Variants in KCNMA1 observed in about 807,000 individuals in gnomAD.
KCNMA1 encodes the protein Calcium-activated potassium channel subunit alpha-1.
A neutral mutation model predicts 140.0 loss-of-function variants in KCNMA1; 29 were observed. That is an observed-to-expected ratio of 0.21 (90% CI 0.15 to 0.28). KCNMA1 has a LOEUF of 0.28. Among genes scored for constraint, KCNMA1 ranks in the 10% least tolerant of loss-of-function variants. KCNMA1 has a pLI of 1.00. For missense variants in KCNMA1, 880 were observed against 1,602.2 expected (o/e 0.55, Z 7.70); for synonymous variants, 612 against 611.9 (o/e 1.00, Z 0.00).
chr10:77,135,112 A>C (rs1174807435), intron 5 of KCNMA1, among the ~76,000 whole-genome samples: 1 of 151,490 alleles, frequency 6.6e-6, no homozygotes, highest in Non-Finnish European at 1.5e-5. Flanking sequence ...TAAGGGCTTA[A>C]TATTCAAAAT....
At chr10:77,445,775 A>T (rs899217478) in intron 1 of KCNMA1, among the ~76,000 whole-genome samples, 1 of 152,164 alleles carries the variant, frequency 6.6e-6, no homozygotes, top group South Asian at 2.1e-4. Context: ...CATCACAGTC[A>T]TCGGTCAAGC....
chr10:77,423,163 G>A (rs114212948), intron 1 of KCNMA1, among the ~76,000 whole-genome samples: 3,029 of 152,250 alleles, frequency 0.02, 106 homozygotes, highest in African/African-American at 0.07. Flanking sequence ...TGTTTTGTTG[G>A]ATCCATGCCT....
intron 2 of KCNMA1, among the ~76,000 whole-genome samples, chr10:77,308,578 A>G (rs542967114): frequency 3.9e-5 from 6 of 152,346 alleles, no homozygotes; most frequent in African/African-American, 1.2e-4. Context: ...GATAACAGCA[A>G]AGTCGACAAT....
chr10:77,493,462 C>T (rs2040676588), intron 1 of KCNMA1, among the ~76,000 whole-genome samples: 1 of 152,208 alleles, frequency 6.6e-6, no homozygotes, highest in African/African-American at 2.4e-5. Flanking sequence ...AACTGTGAGG[C>T]GTCAAGCGTG....
intron 23 of KCNMA1, among the ~76,000 whole-genome samples, chr10:76,924,550 G>C (rs149372516): frequency 6.6e-6 from 1 of 152,224 alleles, no homozygotes; most frequent in East Asian, 1.9e-4. Flanking sequence ...GAAACCTCAT[G>C]TGATCTCTAT....
chr10:77,276,044 A>T (rs2066585947), intron 2 of KCNMA1, among the ~76,000 whole-genome samples: 1 of 152,138 alleles, frequency 6.6e-6, no homozygotes, highest in African/African-American at 2.4e-5. Flanking sequence ...ACCTCTCCAC[A>T]TTCACAGGGC....
At chr10:77,190,795 C>A (rs2098932535) in intron 3 of KCNMA1, among the ~76,000 whole-genome samples, 1 of 152,082 alleles carries the variant, frequency 6.6e-6, no homozygotes, top group Non-Finnish European at 1.5e-5. Context: ...AGACTGATCC[C>A]ATCGGCTGAG....
chr10:77,272,077 C>T (rs570652558), intron 2 of KCNMA1, among the ~76,000 whole-genome samples: 19 of 152,296 alleles, frequency 1.2e-4, no homozygotes, highest in African/African-American at 4.1e-4. Context: ...GTGCACACAG[C>T]ACTGGCCTGT....
intron 1 of KCNMA1, among the ~76,000 whole-genome samples, chr10:77,430,117 A>G (rs1326297899): frequency 3.3e-5 from 5 of 152,200 alleles, no homozygotes; most frequent in Non-Finnish European, 4.4e-5. Flanking sequence ...GTCATGCAAA[A>G]GCTGCTTTCT....
chr10:77,349,450 C>T (rs2092605409), intron 2 of KCNMA1, among the ~76,000 whole-genome samples: 1 of 152,178 alleles, frequency 6.6e-6, no homozygotes, highest in Non-Finnish European at 1.5e-5. Context: ...TTCCTCCATC[C>T]TCCCATCGAC....
At chr10:77,261,859 G>A (rs189505815) in intron 2 of KCNMA1, among the ~76,000 whole-genome samples, 26 of 152,214 alleles carry the variant, frequency 1.7e-4, no homozygotes, top group African/African-American at 5.3e-4. Context: ...CTGGTGGAGC[G>A]CTCAAGTTTG....
intron 1 of KCNMA1, among the ~76,000 whole-genome samples, chr10:77,628,407 G>C (rs1346589472): frequency 2.6e-5 from 4 of 152,168 alleles, no homozygotes; most frequent in African/African-American, 9.7e-5. Flanking sequence ...TGTAATCCCA[G>C]CACTTTGGGA....
chr10:77,503,929 T>TCAGG (rs1167146879), intron 1 of KCNMA1, among the ~76,000 whole-genome samples: 4 of 151,956 alleles, frequency 2.6e-5, no homozygotes, highest in African/African-American at 9.7e-5. Context: ...GTTTAGTAAG[T>TCAGG]CAGGCACTGA....
At chr10:77,246,639 A>G (rs1054158038) in intron 3 of KCNMA1, among the ~76,000 whole-genome samples, 2 of 152,248 alleles carry the variant, frequency 1.3e-5, no homozygotes, top group Non-Finnish European at 2.9e-5. Context: ...AATCTTAAAG[A>G]TAGTTTTCCT....
At chr10:77,185,806 G>T (rs910242412) in intron 3 of KCNMA1, among the ~76,000 whole-genome samples, 1 of 152,108 alleles carries the variant, frequency 6.6e-6, no homozygotes, top group Non-Finnish European at 1.5e-5. Flanking sequence ...TGGGTGGGAA[G>T]TAGGAAAGCC....
chr10:76,905,562 T>C (rs1468499480), intron 25 of KCNMA1, among the ~76,000 whole-genome samples: 1 of 152,190 alleles, frequency 6.6e-6, no homozygotes, highest in African/African-American at 2.4e-5. Flanking sequence ...CTCCAACTGC[T>C]TCCTCCAACA....
intron 1 of KCNMA1, among the ~76,000 whole-genome samples, chr10:77,499,436 TACACAC>T (rs10672811): frequency 2.1e-5 from 3 of 142,904 alleles, no homozygotes; most frequent in African/African-American, 5.2e-5. Flanking sequence ...CACACACACA[TACACAC>T]ACACACACAC....
Position 77,637,775 on chromosome 10 carries a change from G to A in KCNMA1, c.-133C>T. On this transcript the variant is annotated 5_prime_UTR_variant, in exon 1 of 28. Coordinates refer to ENST00000286628, the MANE Select transcript of KCNMA1 (RefSeq NM_001161352.2). ...GCCGCCGCCGCGGAGCGCGGGAGGG[G>A]GGCGGGGAGGCGCCTGGGCTCGGGG... The A allele has an allele frequency of 7.7e-7, 1 of 1,292,940 alleles. No individual in the cohort carries two copies. Among genetic ancestry groups the A allele is most frequent in the Non-Finnish European group, 9.7e-7 (1 of 1,030,408 alleles). 80.1% of individuals were successfully genotyped at this position (1,292,940 alleles called of 1,614,324 possible). A position where few individuals can be genotyped will look rare whatever the true frequency, so the allele number is the denominator to read the frequency against.
chr10:77,531,609 C>T (rs1033963962), intron 1 of KCNMA1, among the ~76,000 whole-genome samples: 1 of 152,246 alleles, frequency 6.6e-6, no homozygotes, highest in Non-Finnish European at 1.5e-5. Flanking sequence ...GCACACATCC[C>T]TCAGCCCTCC....
Sources: allele counts gnomAD v4.1 joint callset (sites outside exome capture counted in the v4.1 genomes callset), GRCh38; gene constraint gnomAD v4.1.1; transcripts MANE v1.5; gene names NCBI Gene and HGNC (gene_info 2026-07-23, HGNC 2026-07-21).